Variants in PDE7B observed in about 807,000 individuals in gnomAD.
PDE7B encodes phosphodiesterase 7B, also known as 3',5'-cyclic-AMP phosphodiesterase 7B.
A neutral mutation model predicts 56.2 loss-of-function variants in PDE7B; 29 were observed. The observed-to-expected ratio is 0.52, with a 90% CI of 0.38 to 0.70. PDE7B has a LOEUF of 0.70. PDE7B is among the 30% of genes least tolerant of loss of function. PDE7B has a pLI of 0.00. For synonymous variants in PDE7B, 197 were observed against 196.9 expected (o/e 1.00, Z 0.00); for missense variants, 490 against 565.0 (o/e 0.87, Z 1.35).
chr6:135,958,076 C>CA (rs1774829696), intron 2 of PDE7B, among the ~76,000 whole-genome samples: 1 of 152,012 alleles, frequency 6.6e-6, no homozygotes, highest in Non-Finnish European at 1.5e-5. Flanking sequence ...TACTAAAATA[C>CA]AAAAAACTAG....
intron 1 of PDE7B, among the ~76,000 whole-genome samples, chr6:135,879,480 A>C (rs1775564610): frequency 6.6e-6 from 1 of 152,172 alleles, no homozygotes; most frequent in South Asian, 2.1e-4. Context: ...GACTGGCAAA[A>C]ACAGTGCCAC....
At chr6:136,017,699 A>G (rs562883952) in intron 2 of PDE7B, among the ~76,000 whole-genome samples, 1 of 152,202 alleles carries the variant, frequency 6.6e-6, no homozygotes, top group African/African-American at 2.4e-5. Flanking sequence ...ATCATATATA[A>G]CTTTTTGAAT....
chr6:136,073,243 C>T (rs1215759493), intron 2 of PDE7B, among the ~76,000 whole-genome samples: 10 of 152,132 alleles, frequency 6.6e-5, no homozygotes, highest in Admixed American at 4.6e-4. Flanking sequence ...TGCCTCCGTA[C>T]GCCATGCATT....
chr6:136,079,260 A>C (rs1398232729), intron 2 of PDE7B, among the ~76,000 whole-genome samples: 1 of 152,156 alleles, frequency 6.6e-6, no homozygotes, highest in Non-Finnish European at 1.5e-5. Context: ...TCCATCAAGC[A>C]TGGCAGTACT....
At position 136,048,105 on chromosome 6, in the gene PDE7B, C is replaced by T. The variant is rs143690642; in HGVS notation, c.83-60626C>T. Among the ~76,000 whole-genome samples the T allele has an allele frequency of 6.2e-3, 932 of 151,054 alleles. 11 individuals carry two copies. Among genetic ancestry groups the T allele is most frequent in the African/African-American group, 0.022 (891 of 40,522 alleles). On this transcript the variant is annotated intron_variant, in intron 2 of 12. Transcript: ENST00000308191. ...ATAGATAGATAGACAGACAGACAGACAGACAGATAGATAGATGTGATATAT... is the reference window on the plus strand; with the variant it reads ...ATAGATAGATAGACAGACAGACAGATAGACAGATAGATAGATGTGATATAT...
In PDE7B at chr6:135,851,970, A is replaced by C. The variant is rs2128182862; in HGVS notation, c.-29A>C. 1 of 1,591,274 alleles carries C rather than the reference A, an allele frequency of 6.3e-7. No homozygotes were observed. The highest frequency in any genetic ancestry group is 2.2e-5 in the East Asian group (1 of 44,794). ...ACCGCTCAGAGATTTCACGGCATTC[A>C]AAGGTCACAGAACTGCCACTATGGT... On this transcript the variant is annotated 5_prime_UTR_variant, in exon 1 of 13. Coordinates refer to ENST00000308191, the MANE Select transcript of PDE7B (RefSeq NM_018945.4).
At chr6:136,045,163 T>A (rs541927203) in intron 2 of PDE7B, among the ~76,000 whole-genome samples, 85 of 152,274 alleles carry the variant, frequency 5.6e-4, no homozygotes, top group South Asian at 1.7e-3. Context: ...ACTAGGTACA[T>A]CTCATCATAT....
intron 2 of PDE7B, among the ~76,000 whole-genome samples, chr6:136,069,249 G>C (rs1341923324): frequency 1.3e-5 from 2 of 152,192 alleles, no homozygotes; most frequent in Non-Finnish European, 2.9e-5. Flanking sequence ...TGCTTTAAAG[G>C]CTGAGGAGCT....
intron 2 of PDE7B, chr6:136,044,024 TC>T (rs1032191978): frequency 1.1e-4 from 17 of 152,266 alleles, no homozygotes; most frequent in African/African-American, 4.1e-4. Flanking sequence ...TCCCACAGCA[TC>T]CTACTTGTTT....
rs1312051740 is a variant in PDE7B at position 136,181,221 on chromosome 6, T to C, written c.949-6T>C. Reference sequence around the variant, plus strand: ...CACAATTTCTCCCCGCCCTGTCATTTCTCAGATCGCCTTGAAGTGTGCTGA... The same window carrying C: ...CACAATTTCTCCCCGCCCTGTCATTCCTCAGATCGCCTTGAAGTGTGCTGA... On this transcript the variant is annotated splice_polypyrimidine_tract_variant and splice_region_variant and intron_variant, in intron 10 of 12. Coordinates refer to ENST00000308191, the MANE Select transcript of PDE7B (RefSeq NM_018945.4). The C allele has an allele frequency of 4.4e-6, 7 of 1,608,850 alleles. No homozygotes were observed. The Admixed American group carries it at 1.0e-4, about 23-fold the overall frequency.
At chr6:136,002,186 A>G (rs1284643832) in intron 2 of PDE7B, among the ~76,000 whole-genome samples, 2 of 152,194 alleles carry the variant, frequency 1.3e-5, no homozygotes, top group Non-Finnish European at 2.9e-5. Context: ...GGCCTAAAAG[A>G]GCTCCTGAAG....
rs147932327 is a variant in PDE7B, at chr6:135,982,391, G to GCT, written c.82+34882_82+34883dup. On this transcript the variant is annotated intron_variant, in intron 2 of 12. Transcript: ENST00000308191. ...CTCTGACTCTCAGGTTCACATGTTA[G>GCT]CTCTCTCTCTCTCTCTTTCTGCTAC... is the stretch of plus-strand genomic sequence containing the variant. Among the ~76,000 whole-genome samples the GCT allele has an allele frequency of 2.3e-3, 351 of 150,772 alleles. 1 individual carries two copies. The highest frequency in any genetic ancestry group is 4.2e-3 in the Non-Finnish European group (287 of 67,594).
intron 12 of PDE7B, among the ~76,000 whole-genome samples, chr6:136,187,769 T>C (rs1267010089): frequency 1.3e-5 from 2 of 152,212 alleles, no homozygotes; most frequent in East Asian, 3.8e-4. Context: ...ACTGTGGAAA[T>C]TTTAGGCACT....
intron 2 of PDE7B, among the ~76,000 whole-genome samples, chr6:136,011,609 G>A (rs527984065): frequency 2.6e-5 from 4 of 152,210 alleles, no homozygotes; most frequent in East Asian, 1.9e-4. Flanking sequence ...CAAACTTGTC[G>A]GTGTTGGCTA....
At chr6:136,108,150 A>AATAT (rs1000286903) in intron 2 of PDE7B, among the ~76,000 whole-genome samples, 1 of 150,682 alleles carries the variant, frequency 6.6e-6, no homozygotes, top group Non-Finnish European at 1.5e-5. Flanking sequence ...AAAAGAAAGA[A>AATAT]ATATATATAT....
At chr6:135,869,070 G>A (rs1432213354) in intron 1 of PDE7B, among the ~76,000 whole-genome samples, 1 of 152,130 alleles carries the variant, frequency 6.6e-6, no homozygotes, top group Non-Finnish European at 1.5e-5. Context: ...TCGTGTGTGT[G>A]TATGTATACT....
chr6:136,040,666 C>CA (rs1776398191), intron 2 of PDE7B, among the ~76,000 whole-genome samples: 1 of 152,160 alleles, frequency 6.6e-6, no homozygotes, highest in Admixed American at 6.5e-5. Flanking sequence ...GACAGCTCTT[C>CA]AAAAAACAGC....
intron 1 of PDE7B, among the ~76,000 whole-genome samples, chr6:135,944,985 G>A (rs1300926771): frequency 1.3e-5 from 2 of 152,160 alleles, no homozygotes; most frequent in Non-Finnish European, 2.9e-5. Context: ...AATTGATAGA[G>A]CTTCCTAGCA....
intron 1 of PDE7B, among the ~76,000 whole-genome samples, chr6:135,914,865 T>C (rs369232438): frequency 1.3e-5 from 2 of 150,052 alleles, no homozygotes; most frequent in Non-Finnish European, 3.0e-5. Context: ...GAGGCCGAGG[T>C]GGGCAGATCA....
Sources: gnomAD v4.1 joint callset for allele counts (sites outside exome capture counted in the v4.1 genomes callset) on GRCh38, gnomAD v4.1.1 for gene constraint, MANE v1.5 for transcripts, NCBI Gene and HGNC (gene_info 2026-07-23, HGNC 2026-07-21) for gene names.